Variants in BRAF observed in about 807,000 individuals in gnomAD.
The protein encoded by BRAF is B-Raf proto-oncogene, serine/threonine kinase.
A neutral mutation model predicts 104.6 loss-of-function variants in BRAF; 16 were observed. That is an observed-to-expected ratio of 0.15 (90% CI 0.10 to 0.23). The LOEUF is 0.23. Among genes scored for constraint, BRAF ranks in the 10% least tolerant of loss-of-function variants. BRAF has a pLI of 1.00. For missense variants in BRAF, 541 were observed against 937.3 expected (o/e 0.58, Z 5.52); for synonymous variants, 310 against 341.6 (o/e 0.91, Z 1.02).
chr7:140,779,410 T>TG (rs1303259981), intron 12 of BRAF, among the ~76,000 whole-genome samples: 1 of 152,126 alleles, frequency 6.6e-6, no homozygotes, highest in Non-Finnish European at 1.5e-5. Flanking sequence ...CTAATTTATG[T>TG]GCACTTTTAT....
intron 2 of BRAF, among the ~76,000 whole-genome samples, chr7:140,847,691 T>G (rs1167001279): frequency 6.6e-6 from 1 of 152,236 alleles, no homozygotes; most frequent in Non-Finnish European, 1.5e-5. Context: ...ACTATGTTAT[T>G]TCATAATTAT....
intron 3 of BRAF, among the ~76,000 whole-genome samples, chr7:140,812,752 C>A (rs931809349): frequency 4.0e-5 from 6 of 151,898 alleles, no homozygotes; most frequent in South Asian, 2.1e-4. Context: ...AAAGAAAGTG[C>A]GAATAAGATA....
At chr7:140,922,706 G>A (rs1818358098) in intron 1 of BRAF, among the ~76,000 whole-genome samples, 1 of 152,182 alleles carries the variant, frequency 6.6e-6, no homozygotes, top group Non-Finnish European at 1.5e-5. Context: ...AAAACAGACA[G>A]CAGATGTGAC....
In BRAF at chr7:140,836,372, T is replaced by C. The variant is rs537868692; in HGVS notation, c.241-1500A>G. On this transcript the variant is annotated intron_variant, in intron 2 of 19. Transcript: ENST00000644969. ...TACGCCATGCTATCAAGTCTGAATG[T>C]AAGGGAGGAAGGGAGAATTATAAAA... is the stretch of plus-strand genomic sequence containing the variant. The C allele has an allele frequency of 2.0e-5, 3 of 151,936 alleles. No individual in the cohort carries two copies. In the South Asian group the frequency reaches 6.3e-4, roughly 32 times the overall value. 9.4% of individuals were successfully genotyped at this position (151,936 alleles called of 1,614,324 possible).
At chr7:140,752,219 G>C (rs966743916) in intron 16 of BRAF, among the ~76,000 whole-genome samples, 2 of 152,122 alleles carry the variant, frequency 1.3e-5, no homozygotes, top group African/African-American at 4.8e-5. Flanking sequence ...TTATGGTTTA[G>C]AGATGGGGTC....
downstream of BRAF, among the ~76,000 whole-genome samples, chr7:140,718,614 C>G (rs1795189252): frequency 6.6e-6 from 1 of 150,884 alleles, no homozygotes; most frequent in Non-Finnish European, 1.5e-5. Flanking sequence ...CCACTCCTGA[C>G]CTCAGGTGAT....
At chr7:140,763,754 T>C (rs893735829) in intron 14 of BRAF, among the ~76,000 whole-genome samples, 4 of 152,092 alleles carry the variant, frequency 2.6e-5, no homozygotes, top group Non-Finnish European at 5.9e-5. Context: ...CAGGAAGAAG[T>C]TGAATCTCTG....
At chr7:140,889,775 T>C (rs544364238) in intron 1 of BRAF, among the ~76,000 whole-genome samples, 32 of 152,030 alleles carry the variant, frequency 2.1e-4, no homozygotes, top group Non-Finnish European at 4.4e-4. Flanking sequence ...TGCCAAAAGG[T>C]ATAAGGAGAG....
rs529070730 is a variant in BRAF at position 140,720,771 on chromosome 7, C to T, written c.*5723G>A. ...CCAACTCATACTCCACCAAAACACA[C>T]GTGGGTTCAAAAACTTAACACAAAA... is the stretch of plus-strand genomic sequence containing the variant. On this transcript the variant is annotated 3_prime_UTR_variant, in exon 20 of 20. Transcript: ENST00000644969. 1.8e-4 allele frequency: 196 copies of T among 1,065,822 alleles called. 2 individuals are homozygous for T. In the Admixed American group the frequency reaches 4.1e-3, roughly 22 times the overall value. 66.0% of individuals were successfully genotyped at this position (1,065,822 alleles called of 1,614,324 possible). A position where few individuals can be genotyped will look rare whatever the true frequency, so the allele number is the denominator to read the frequency against.
At chr7:140,860,361 G>T (rs1376192740) in intron 1 of BRAF, among the ~76,000 whole-genome samples, 4 of 146,904 alleles carry the variant, frequency 2.7e-5, no homozygotes, top group African/African-American at 5.1e-5. Flanking sequence ...TAAAATAAAT[G>T]ACCTCATTAG....
intron 1 of BRAF, among the ~76,000 whole-genome samples, chr7:140,918,129 A>G (rs73736258): frequency 6.6e-6 from 1 of 152,124 alleles, no homozygotes; most frequent in Non-Finnish European, 1.5e-5. Flanking sequence ...GTAGCTCTAA[A>G]ATTTTTACAG....
At chr7:140,728,599 T>C (rs2130841643) in intron 19 of BRAF, among the ~76,000 whole-genome samples, 2 of 151,850 alleles carry the variant, frequency 1.3e-5, no homozygotes, top group South Asian at 4.1e-4. Context: ...GAGTAAAACA[T>C]TTGGAGTATA....
intron 14 of BRAF, among the ~76,000 whole-genome samples, chr7:140,768,397 C>A (rs1193403028): frequency 6.6e-6 from 1 of 152,184 alleles, no homozygotes; most frequent in East Asian, 1.9e-4. Flanking sequence ...CATGTGGAGG[C>A]TTGGCCCCAG....
At position 140,802,597 on chromosome 7, in the gene BRAF, T is replaced by C. The variant is rs140297334; in HGVS notation, c.712-1037A>G. Among the ~76,000 whole-genome samples, 9 of 152,178 alleles carry C rather than the reference T, an allele frequency of 5.9e-5. No individual in the cohort carries two copies. The East Asian group carries it at 1.2e-3, about 20-fold the overall frequency. ...ACAAACATGAGCCACCGTGTGCAGC[T>C]TGTGTCTTCATTTTTAACAGAAAAG... is the stretch of plus-strand genomic sequence containing the variant. On this transcript the variant is annotated intron_variant, in intron 5 of 19. Coordinates refer to ENST00000644969, the MANE Select transcript of BRAF (RefSeq NM_001374258.1).
At chr7:140,854,805 C>T (rs1434831220) in intron 1 of BRAF, among the ~76,000 whole-genome samples, 2 of 151,898 alleles carry the variant, frequency 1.3e-5, no homozygotes, top group African/African-American at 2.4e-5. Flanking sequence ...ATTAGCCGGG[C>T]GTGGTGGCGT....
At chr7:140,811,765 G>A (rs1804290471) in intron 3 of BRAF, among the ~76,000 whole-genome samples, 1 of 152,072 alleles carries the variant, frequency 6.6e-6, no homozygotes, top group African/African-American at 2.4e-5. Context: ...ACAACCTAGA[G>A]GCCAATATAC....
intron 8 of BRAF, among the ~76,000 whole-genome samples, chr7:140,788,875 C>T (rs771632689): frequency 4.0e-5 from 6 of 151,832 alleles, no homozygotes; most frequent in African/African-American, 9.7e-5. Flanking sequence ...ATGCATAAGC[C>T]GCCGCAACCG....
At chr7:140,885,966 GGTGA>G (rs1424245147) in intron 1 of BRAF, among the ~76,000 whole-genome samples, 1 of 152,142 alleles carries the variant, frequency 6.6e-6, no homozygotes, top group African/African-American at 2.4e-5. Context: ...TTATAGCATA[GGTGA>G]GTAAGAGTTT....
At chr7:140,817,269 A>C (rs1272778394) in intron 3 of BRAF, among the ~76,000 whole-genome samples, 1 of 152,224 alleles carries the variant, frequency 6.6e-6, no homozygotes. Flanking sequence ...TTCTACAATG[A>C]AAACTATAAA....
Sources: gnomAD v4.1 joint callset for allele counts (sites outside exome capture counted in the v4.1 genomes callset) on GRCh38, gnomAD v4.1.1 for gene constraint, MANE v1.5 for transcripts, NCBI Gene and HGNC (gene_info 2026-07-23, HGNC 2026-07-21) for gene names.